The following WDR90 variants were observed in gnomAD, a reference collection of about 807,000 sequenced individuals.
The protein encoded by WDR90 is WD repeat-containing protein 90.
A neutral mutation model predicts 195.2 loss-of-function variants in WDR90; 238 were observed. The ratio of observed to expected loss-of-function variants is 1.22; its 90% confidence interval spans 1.10 to 1.36. WDR90 has a LOEUF of 1.36. WDR90 is among the 40% of genes most tolerant of loss of function. The probability of loss-of-function intolerance (pLI) is 0.00; values close to 1 mark genes in which losing one functional copy is unlikely to be tolerated. For synonymous variants in WDR90, 1,265 were observed against 1,052.4 expected (o/e 1.20, Z -3.91); for missense variants, 2,734 against 2,439.5 (o/e 1.12, Z -2.54).
At chr16:665,483 T>G in intron 34 of WDR90, 196 bp from the exon 35 acceptor site, 1 of 812,866 alleles carries the variant, frequency 1.2e-6, no homozygotes, top group East Asian at 2.7e-5. Context: ...TGCTTTGGTT[T>G]GGACTCACCC....
rs546621982 is a variant in WDR90, at chr16:652,308, C to T, written c.1054-159C>T. The T allele has an allele frequency of 9.7e-6, 9 of 924,350 alleles. No individual in the cohort carries two copies. The East Asian group carries it at 1.6e-4, about 16-fold the overall frequency. The allele number at this position is 924,350 out of a possible 1,614,324, so 57.3% of individuals were successfully genotyped here. ...AGGTCTGGCAGTGCAACTGGAGTCC[C>T]AGCTTCCACCTTACCACAGCCAGCA... On this transcript the variant is annotated intron_variant, in intron 9 of 40. Transcript: ENST00000293879.
Position 658,279 on chromosome 16 carries a change from C to T in WDR90, c.2701C>T (p.Leu901=). The T allele has an allele frequency of 6.2e-7, 1 of 1,612,638 alleles. No homozygotes were observed. The highest frequency in any genetic ancestry group is 1.1e-5 in the South Asian group (1 of 91,086). The change falls in exon 22 of 41, where the codon CTG becomes TTG. Residue 901 remains leucine (L), a synonymous_variant. Transcript: ENST00000293879. The part of the protein sequence containing the change: ...CFGPAALGHL[L]VSTSSNRVVV... ...TGGCCCTGCAGCTCTGGGCCACCTG[C>T]TGGTGTCCACCTCGTCCAACAGAGT...
In WDR90 at chr16:649,443, G is replaced by T. The variant is rs1305045230; in HGVS notation, c.10+17G>T. On this transcript the variant is annotated intron_variant, in intron 1 of 40. Coordinates refer to ENST00000293879, the MANE Select transcript of WDR90 (RefSeq NM_145294.5). ...TGGCCCGAGGTAGCGCGCGGCTGGC[G>T]GGGGTCCCGAGGATCCCGGGTTCCG... 7.7e-7 allele frequency: 1 copy of T among 1,298,266 alleles called. No homozygotes were observed. The allele number at this position is 1,298,266 out of a possible 1,614,324, so 80.4% of individuals were successfully genotyped here.
rs1321359727 is a variant in WDR90, at chr16:666,001, C to CT, written c.4486_4487insT (p.Gln1496LeufsTer9). ...CCCGTGCTGTGGCCGCCCTGAGCAG[C>CT]AGCGGCTAGCGGCTGGCTACGGTGA... On this transcript the variant is annotated frameshift_variant, in exon 36 of 41. Transcript: ENST00000293879. LOFTEE classifies it high-confidence loss of function. 11 of 1,603,940 alleles carry CT rather than the reference C, an allele frequency of 6.9e-6. No homozygotes were observed. Among genetic ancestry groups the CT allele is most frequent in the Non-Finnish European group, 9.3e-6 (11 of 1,179,638 alleles).
At chr16:650,919 C>T in intron 5 of WDR90, 76 bp from the exon 6 acceptor site, 1 of 1,549,880 alleles carries the variant, frequency 6.5e-7, no homozygotes, top group Admixed American at 1.7e-5. Context: ...GGTGGCGTGG[C>T]AGTGCCTTGG....
At chr16:655,000 C>T (rs749332947) in intron 13 of WDR90, 29 bp from the exon 14 acceptor site, 43 of 1,604,766 alleles carry the variant, frequency 2.7e-5, no homozygotes, top group South Asian at 4.4e-5. Context: ...CTGGCCCTGC[C>T]GTGCGGGCTC....
Position 655,153 on chromosome 16 carries a change from G to A in WDR90, c.1556+6G>A. On this transcript the variant is annotated splice_donor_region_variant and intron_variant, in intron 14 of 40. Transcript: ENST00000293879. ...ACCTTTTTTGATGAAACCAGGTGAT[G>A]CAGCCGCCCATCCACGATGTTGGGA... 1 of 1,612,500 alleles carries A rather than the reference G, an allele frequency of 6.2e-7. No homozygotes were observed. The highest frequency in any genetic ancestry group is 8.5e-7 in the Non-Finnish European group (1 of 1,179,662).
rs1214847728 is a variant in WDR90, at chr16:649,848, G to C, written c.96G>C (p.Val32=). The C allele has an allele frequency of 1.3e-6, 2 of 1,580,104 alleles. No homozygotes were observed. The highest frequency in any genetic ancestry group is 2.7e-5 in the African/African-American group (2 of 74,292). ...KRSAKQGDVA[V]VTDKTLKGAV... The stretch of plus-strand genomic sequence containing the variant: ...CCGCCAAGCAGGGGGACGTGGCCGT[G>C]GTCACGGTAGGCGGCCGGGGGCTCG... Residue 32 remains valine (V), a synonymous_variant, in exon 2 of 41, where the codon GTG becomes GTC. Transcript: ENST00000293879.
At chr16:662,555 G>A (rs989619254) in intron 33 of WDR90, 124 bp from the exon 34 acceptor site, 41 of 1,374,156 alleles carry the variant, frequency 3.0e-5, no homozygotes, top group East Asian at 2.6e-4. Flanking sequence ...TTCTTCCACC[G>A]GGAGGGCACA....
chr16:663,927 GT>G (rs1352505506), intron 34 of WDR90, among the ~76,000 whole-genome samples: 1 of 152,226 alleles, frequency 6.6e-6, no homozygotes, highest in Non-Finnish European at 1.5e-5. Context: ...AGCTCTGCGT[GT>G]GGTCAGCTGG....
chr16:659,319 TG>T lies in WDR90; in HGVS notation c.3128del (p.Cys1043PhefsTer68). The T allele has an allele frequency of 6.3e-7, 1 of 1,599,904 alleles. No homozygotes were observed. Among genetic ancestry groups the T allele is most frequent in the Non-Finnish European group, 8.5e-7 (1 of 1,174,136 alleles). On this transcript the variant is annotated frameshift_variant, in exon 26 of 41. Coordinates refer to ENST00000293879, the MANE Select transcript of WDR90 (RefSeq NM_145294.5). LOFTEE classifies it high-confidence loss of function. ...ELPRQQVPKP[C>X]QASPPRLGVC... Reference sequence around the variant, plus strand: ...CCCCCGGCAGCAGGTCCCCAAGCCATGTCAGGCATCTCCACCACGGCTGGGC... The same window carrying T: ...CCCCCGGCAGCAGGTCCCCAAGCCATTCAGGCATCTCCACCACGGCTGGGC...
chr16:654,940 C>A, intron 13 of WDR90, 89 bp from the exon 14 acceptor site: 1 of 1,339,574 alleles, frequency 7.5e-7, no homozygotes, highest in Non-Finnish European at 1.0e-6. Flanking sequence ...AGAGAAAAGC[C>A]ACCTCCGGGT....
intron 7 of WDR90, 40 bp from the exon 8 acceptor site, chr16:651,604 G>A (rs2037647450): frequency 2.5e-6 from 4 of 1,596,438 alleles, no homozygotes; most frequent in Non-Finnish European, 3.4e-6. Context: ...CATCTGCACA[G>A]CTGGCCCCTG....
At position 650,281 on chromosome 16, in the gene WDR90, T is replaced by G. The variant is rs751018460; in HGVS notation, c.307T>G (p.Ser103Ala). The G allele has an allele frequency of 6.2e-7, 1 of 1,612,964 alleles. No homozygotes were observed. The part of the protein sequence containing the change: ...KDNQVIRVSF[S>A]NLFKEFKSTA... Reference sequence around the variant, plus strand: ...CAACCAAGTCATCCGTGTGTCTTTCTCCAACCTCTTCAAGGAGTTTAAGTC... The same window carrying G: ...CAACCAAGTCATCCGTGTGTCTTTCGCCAACCTCTTCAAGGAGTTTAAGTC... Residue 103 changes from serine (S) to alanine (A), a missense_variant, in exon 4 of 41, where the codon TCC becomes GCC. Ser to Ala is a moderately conservative substitution (Grantham distance 99). Transcript: ENST00000293879.
At chr16:664,680 C>A (rs2037986655) in intron 34 of WDR90, among the ~76,000 whole-genome samples, 1 of 150,500 alleles carries the variant, frequency 6.6e-6, no homozygotes, top group Non-Finnish European at 1.5e-5. Context: ...CTCAGCTGAA[C>A]TGAATTTTTT....
chr16:658,542 T>C lies in WDR90; in HGVS notation c.2784T>C (p.Pro928=), dbSNP rs989079868. Residue 928 remains proline (P), a synonymous_variant, in exon 23 of 41, where the codon CCT becomes CCC. Transcript: ENST00000293879. The part of the protein sequence containing the change: ...RIIRELPGVH[P]EPCPSLTLSE... ...TGTTCCAGCTGCCCGGTGTCCACCC[T>C]GAGCCCTGCCCCTCCTTGACGCTCA... 2.5e-6 allele frequency: 4 copies of C among 1,612,110 alleles called. No homozygotes were observed. The highest frequency in any genetic ancestry group is 3.3e-5 in the Admixed American group (2 of 59,972).
In WDR90 at chr16:651,685, G is replaced by C. The variant is rs767513813; in HGVS notation, c.778G>C (p.Ala260Pro). The change falls in exon 8 of 41, where the codon GCC becomes CCC. Residue 260 changes from alanine (A) to proline (P), a missense_variant. Coordinates refer to ENST00000293879, the MANE Select transcript of WDR90 (RefSeq NM_145294.5). ...PGPQPLPCPV[A>P]SSKPVRFSVS... ...GCCACAGCCTCTCCCTTGCCCGGTG[G>C]CCTCCAGCAAACCTGTGCGGTTCAG... 1 of 1,612,968 alleles carries C rather than the reference G, an allele frequency of 6.2e-7. No individual in the cohort carries two copies. The highest frequency in any genetic ancestry group is 8.5e-7 in the Non-Finnish European group (1 of 1,179,996).
chr16:666,071 T>G lies in WDR90; in HGVS notation c.4556T>G (p.Leu1519Arg). ...IFSVSRTAMELKMHPHPVALT... is the reference protein window; with the variant it reads ...IFSVSRTAMERKMHPHPVALT... ...AGCGTCTCCCGCACGGCCATGGAGC[T>G]CAAGATGCACCCCCACCCGGTGGCG... is the stretch of plus-strand genomic sequence containing the variant. The change falls in exon 36 of 41, where the codon CTC (leucine) becomes CGC (arginine). Residue 1519 changes from leucine (L) to arginine (R), a missense_variant. Transcript: ENST00000293879. 1 of 1,609,224 alleles carries G rather than the reference T, an allele frequency of 6.2e-7. No individual in the cohort carries two copies.
intron 33 of WDR90, 79 bp from the exon 34 acceptor site, chr16:662,600 C>A: frequency 6.6e-7 from 1 of 1,503,890 alleles, no homozygotes; most frequent in Non-Finnish European, 8.9e-7. Context: ...AGGGCCCTGC[C>A]TCGGCTGGGG....
Sources: allele counts gnomAD v4.1 joint callset (sites outside exome capture counted in the v4.1 genomes callset), GRCh38; gene constraint gnomAD v4.1.1; transcripts MANE v1.5; gene names NCBI Gene and HGNC (gene_info 2026-07-23, HGNC 2026-07-21).